LNX1: variants seen among roughly 807,000 people sequenced by gnomAD.
LNX1 encodes ligand of numb-protein X 1, also known as E3 ubiquitin-protein ligase LNX.
LNX1 carries 54 observed loss-of-function variants against 68.4 expected under a neutral mutation model. The observed-to-expected ratio is 0.79, with a 90% confidence interval of 0.63 to 0.99. The LOEUF is 0.99. Ranked by LOEUF, LNX1 falls within the 50% of genes least tolerant of loss-of-function variation. The pLI is 0.00. For missense variants in LNX1, 906 were observed against 926.4 expected, an observed-to-expected ratio of 0.98 and a Z score of 0.29; for synonymous variants, 336 against 350.0, an observed-to-expected ratio of 0.96 and a Z score of 0.45.
At chr4:53,584,926 C>A (rs534407942) in intron 1 of LNX1, among the ~76,000 whole-genome samples, 1 of 152,294 alleles carries the variant, frequency 6.6e-6, no homozygotes, top group East Asian at 1.9e-4. Context: ...AAACATGACA[C>A]ACACATCCCC....
At chr4:53,581,081 G>T (rs7680855) in intron 1 of LNX1, among the ~76,000 whole-genome samples, 1 of 151,910 alleles carries the variant, frequency 6.6e-6, no homozygotes, top group Non-Finnish European at 1.5e-5. Context: ...CAGGTGCTCC[G>T]TGTCCCCACC....
At chr4:53,491,847 G>A (rs1396597998) in intron 6 of LNX1, among the ~76,000 whole-genome samples, 1 of 147,596 alleles carries the variant, frequency 6.8e-6, no homozygotes, top group African/African-American at 2.5e-5. Context: ...GCCCAGGCTG[G>A]AGTACAATGG....
Position 53,481,582 on chromosome 4 carries a change from T to C in LNX1, c.1485+138A>G, listed in dbSNP as rs1280432086. On this transcript the variant is annotated intron_variant, in intron 7 of 10. Coordinates refer to ENST00000263925, the MANE Select transcript of LNX1 (RefSeq NM_001126328.3). ...CTCTCCAAGTCTTAAATATGGGACT[T>C]TGGGCTTTTAGTTTTACAAGTCAAA... is the stretch of plus-strand genomic sequence containing the variant. 4 of 983,932 alleles carry C rather than the reference T, an allele frequency of 4.1e-6. No homozygotes were observed. The Admixed American group carries it at 1.3e-4, about 32-fold the overall frequency. 61.0% of individuals were successfully genotyped at this position (983,932 alleles called of 1,614,324 possible).
chr4:53,519,710 C>T (rs533786821), intron 2 of LNX1, among the ~76,000 whole-genome samples: 3 of 152,230 alleles, frequency 2.0e-5, no homozygotes, highest in South Asian at 4.2e-4. Flanking sequence ...CCTTAACAGG[C>T]GTCAGGCTAT....
intron 1 of LNX1, among the ~76,000 whole-genome samples, chr4:53,622,672 G>T (rs138480833): frequency 6.6e-6 from 1 of 152,216 alleles, no homozygotes; most frequent in East Asian, 1.9e-4. Flanking sequence ...AGATTGAAAA[G>T]GTTTAAAAGT....
chr4:53,523,580 C>T (rs1300107800), intron 2 of LNX1, among the ~76,000 whole-genome samples: 1 of 152,202 alleles, frequency 6.6e-6, no homozygotes, highest in Non-Finnish European at 1.5e-5. Flanking sequence ...AGCCACAGCA[C>T]CTGGCCTCAA....
chr4:53,642,223 T>TAAAAA (rs745476837), intron 1 of LNX1, among the ~76,000 whole-genome samples: 4 of 96,270 alleles, frequency 4.2e-5, no homozygotes, highest in Admixed American at 3.6e-4. Context: ...AATCCTATCT[T>TAAAAA]AAAAAAAAAA....
At chr4:53,632,213 C>G (rs1734305829) in intron 1 of LNX1, among the ~76,000 whole-genome samples, 1 of 152,178 alleles carries the variant, frequency 6.6e-6, no homozygotes, top group Admixed American at 6.5e-5. Context: ...GACATCAGCA[C>G]TTAGAGTGGG....
At chr4:53,469,920 G>A (rs899016509) in intron 9 of LNX1, among the ~76,000 whole-genome samples, 4 of 152,182 alleles carry the variant, frequency 2.6e-5, no homozygotes, top group African/African-American at 9.7e-5. Flanking sequence ...GTACAAGGAG[G>A]AGCTGGTACC....
At chr4:53,575,974 G>A in intron 1 of LNX1, 1 of 1,562,654 alleles carries the variant, frequency 6.4e-7, no homozygotes, top group Non-Finnish European at 8.6e-7. Context: ...CCTACTGGCA[G>A]GCATGCACAC....
chr4:53,585,690 C>T (rs1229238565), intron 1 of LNX1, among the ~76,000 whole-genome samples: 1 of 152,082 alleles, frequency 6.6e-6, no homozygotes, highest in Admixed American at 6.5e-5. Context: ...ATTATGCACC[C>T]ACAAGCTAAG....
chr4:53,496,433 T>C, intron 5 of LNX1, 39 bp from the exon 6 acceptor site: 1 of 1,551,818 alleles, frequency 6.4e-7, no homozygotes. Flanking sequence ...CAGCTCCACC[T>C]GCCACAACCC....
At chr4:53,466,372 C>A (rs182006075) in intron 9 of LNX1, among the ~76,000 whole-genome samples, 128 of 152,270 alleles carry the variant, frequency 8.4e-4, no homozygotes, top group Admixed American at 2.6e-3. Flanking sequence ...AACCTGAAGA[C>A]AGCCGAATAG....
At chr4:53,507,165 C>G (rs899629068) in intron 4 of LNX1, 152 bp downstream of exon 4, 1 of 731,724 alleles carries the variant, frequency 1.4e-6, no homozygotes, top group East Asian at 2.7e-5. Context: ...TAGCTACATA[C>G]GTGAGAAGTA....
intron 2 of LNX1, among the ~76,000 whole-genome samples, chr4:53,532,404 G>C (rs925108485): frequency 5.9e-5 from 9 of 152,086 alleles, no homozygotes; most frequent in Non-Finnish European, 1.2e-4. Context: ...GAATCTGGGA[G>C]GCAGAGGTTG....
chr4:53,492,865 A>C (rs993006915), intron 6 of LNX1, among the ~76,000 whole-genome samples: 2 of 152,182 alleles, frequency 1.3e-5, no homozygotes, highest in African/African-American at 4.8e-5. Flanking sequence ...CCTTATCCAC[A>C]GGAAGATATG....
chr4:53,495,901 C>T, intron 6 of LNX1, 122 bp downstream of exon 6: 1 of 1,196,288 alleles, frequency 8.4e-7, no homozygotes, highest in African/African-American at 1.5e-5. Context: ...CATCCTGACT[C>T]CTTGAAAGGG....
intron 4 of LNX1, among the ~76,000 whole-genome samples, chr4:53,500,668 T>A (rs1270350909): frequency 1.3e-5 from 2 of 152,232 alleles, no homozygotes; most frequent in African/African-American, 4.8e-5. Flanking sequence ...GGGTCCTTAA[T>A]CTCTATACTG....
chr4:53,531,400 G>A (rs1728013792), intron 2 of LNX1, among the ~76,000 whole-genome samples: 1 of 152,162 alleles, frequency 6.6e-6, no homozygotes, highest in South Asian at 2.1e-4. Flanking sequence ...AAAGTGAAAT[G>A]CTTGGATTGG....
Sources: gnomAD v4.1 joint callset for allele counts (sites outside exome capture counted in the v4.1 genomes callset) on GRCh38, gnomAD v4.1.1 for gene constraint, MANE v1.5 for transcripts, NCBI Gene and HGNC (gene_info 2026-07-23, HGNC 2026-07-21) for gene names.